The following SERGEF variants were observed in gnomAD, a reference collection of about 807,000 sequenced individuals.
SERGEF encodes the protein secretion-regulating guanine nucleotide exchange factor.
SERGEF carries 51 observed loss-of-function variants against 50.0 expected under a neutral mutation model. That is an observed-to-expected ratio of 1.02 (90% confidence interval 0.81 to 1.29). The LOEUF (loss-of-function observed/expected upper bound fraction) is 1.29. SERGEF is among the 50% of genes most tolerant of loss of function. The pLI is 0.00. For missense variants in SERGEF, 521 were observed against 557.0 expected (o/e 0.94, Z 0.65); for synonymous variants, 205 against 212.4 (o/e 0.97, Z 0.30).
chr11:17,945,609 T>C (rs1852642912), intron 9 of SERGEF, among the ~76,000 whole-genome samples: 1 of 152,192 alleles, frequency 6.6e-6, no homozygotes, highest in Non-Finnish European at 1.5e-5. Flanking sequence ...ATACTATGCA[T>C]TCTCTTACTT....
rs956736958 is a variant in SERGEF at position 18,002,674 on chromosome 11, C to T, written c.447+1767G>A. 5.9e-5 allele frequency among the ~76,000 whole-genome samples: 9 copies of T among 152,178 alleles called. No homozygotes were observed. The South Asian group carries it at 6.2e-4, about 10-fold the overall frequency. ...CCTTTGGGGATATACATGCATCTGT[C>T]ATAGTTCTGACATGGTATTACATTT... On this transcript the variant is annotated intron_variant, in intron 4 of 10. Transcript: ENST00000265965.
intron 10 of SERGEF, among the ~76,000 whole-genome samples, chr11:17,839,447 T>C (rs1365060877): frequency 6.6e-6 from 1 of 152,168 alleles, no homozygotes; most frequent in Non-Finnish European, 1.5e-5. Flanking sequence ...AGGGGTCAGA[T>C]TGCAAGAAAC....
chr11:17,890,745 T>C (rs1851517623), intron 9 of SERGEF, among the ~76,000 whole-genome samples: 7 of 152,124 alleles, frequency 4.6e-5, no homozygotes, highest in Admixed American at 4.6e-4. Context: ...TAAAAATCAT[T>C]CTCCACTAAA....
intron 8 of SERGEF, among the ~76,000 whole-genome samples, chr11:17,981,260 T>A (rs1468763791): frequency 6.6e-6 from 1 of 152,244 alleles, no homozygotes; most frequent in Non-Finnish European, 1.5e-5. Flanking sequence ...TAGTACTATA[T>A]GCATATAGAT....
chr11:17,819,106 T>C (rs541935347), intron 10 of SERGEF, among the ~76,000 whole-genome samples: 2 of 152,342 alleles, frequency 1.3e-5, no homozygotes, highest in African/African-American at 4.8e-5. Flanking sequence ...ACGCCAGTGG[T>C]TGCCAACATA....
At chr11:17,934,513 A>G (rs1852412994) in intron 9 of SERGEF, among the ~76,000 whole-genome samples, 1 of 152,204 alleles carries the variant, frequency 6.6e-6, no homozygotes, top group African/African-American at 2.4e-5. Flanking sequence ...TCTAGGTCAG[A>G]CCACTGCTTA....
chr11:17,885,741 G>T (rs2133905343), intron 9 of SERGEF, among the ~76,000 whole-genome samples: 1 of 152,026 alleles, frequency 6.6e-6, no homozygotes, highest in Admixed American at 6.5e-5. Context: ...AGCAACACGA[G>T]TCTCTTTTCT....
chr11:17,844,859 G>C (rs537239129), intron 10 of SERGEF, among the ~76,000 whole-genome samples: 3 of 151,484 alleles, frequency 2.0e-5, no homozygotes, highest in Non-Finnish European at 4.4e-5. Flanking sequence ...AAGAAGAATT[G>C]GGCCACACAA....
At chr11:17,790,738 T>A (rs982621500) in intron 10 of SERGEF, among the ~76,000 whole-genome samples, 5 of 152,196 alleles carry the variant, frequency 3.3e-5, no homozygotes, top group Admixed American at 3.3e-4. Context: ...ATCTCTCCAA[T>A]GACTAGACAT....
chr11:17,876,376 T>C (rs1851235609), intron 10 of SERGEF, among the ~76,000 whole-genome samples: 2 of 152,356 alleles, frequency 1.3e-5, no homozygotes, highest in East Asian at 3.9e-4. Context: ...AGAATGTCAT[T>C]GTTTCTCTTC....
chr11:18,005,320 T>C (rs1040206355), intron 3 of SERGEF, among the ~76,000 whole-genome samples: 1 of 152,130 alleles, frequency 6.6e-6, no homozygotes. Context: ...ACAGAACCCC[T>C]CCACAGAGGA....
intron 9 of SERGEF, among the ~76,000 whole-genome samples, chr11:17,940,404 C>T (rs1852539589): frequency 6.6e-6 from 1 of 152,114 alleles, no homozygotes; most frequent in African/African-American, 2.4e-5. Context: ...CCGCATCCCC[C>T]ACCACCGCCC....
rs531168209 is a variant in SERGEF at position 17,865,344 on chromosome 11, T to G, written c.1048+12864A>C. 3.3e-5 allele frequency among the ~76,000 whole-genome samples: 5 copies of G among 152,380 alleles called. No homozygotes were observed. In the East Asian group the frequency reaches 9.6e-4, roughly 29 times the overall value. ...CTATGTTACTGGTTTGTGTATTTAC[T>G]ATACTATACTTTTTATTGTTATTTT... On this transcript the variant is annotated intron_variant, in intron 10 of 10. Transcript: ENST00000265965.
chr11:17,906,504 A>G (rs1446351039), intron 9 of SERGEF, among the ~76,000 whole-genome samples: 2 of 151,464 alleles, frequency 1.3e-5, no homozygotes, highest in Non-Finnish European at 2.9e-5. Flanking sequence ...TGGGGGTTGC[A>G]GCACAGAGCT....
intron 9 of SERGEF, among the ~76,000 whole-genome samples, chr11:17,933,304 ATGT>A (rs1183079189): frequency 1.3e-5 from 2 of 152,178 alleles, no homozygotes; most frequent in East Asian, 1.9e-4. Context: ...AAATTTAATA[ATGT>A]TGTTCCAATT....
chr11:17,900,730 T>C (rs890442230), intron 9 of SERGEF, among the ~76,000 whole-genome samples: 1 of 152,172 alleles, frequency 6.6e-6, no homozygotes, highest in Non-Finnish European at 1.5e-5. Context: ...CAGGTGCTCA[T>C]ACCTGTAAGT....
chr11:18,007,146 T>C (rs1433071162), intron 2 of SERGEF, among the ~76,000 whole-genome samples: 1 of 152,246 alleles, frequency 6.6e-6, no homozygotes, highest in Admixed American at 6.5e-5. Flanking sequence ...TAATTTTTAG[T>C]TATTTTTAAA....
chr11:17,846,876 A>C (rs1440680625), intron 10 of SERGEF: 2 of 407,996 alleles, frequency 4.9e-6, no homozygotes, highest in Non-Finnish European at 9.9e-6. Context: ...AAGGGATTCT[A>C]ATCTCCTGAG....
chr11:17,937,775 G>C (rs1852483145), intron 9 of SERGEF, among the ~76,000 whole-genome samples: 1 of 152,010 alleles, frequency 6.6e-6, no homozygotes, highest in Admixed American at 6.5e-5. Context: ...TCCTAAAATG[G>C]AATCTTTGGG....
Sources: gnomAD v4.1 joint callset for allele counts (sites outside exome capture counted in the v4.1 genomes callset) on GRCh38, gnomAD v4.1.1 for gene constraint, MANE v1.5 for transcripts, NCBI Gene and HGNC (gene_info 2026-07-23, HGNC 2026-07-21) for gene names.